ADAMTSL1: variants seen among roughly 807,000 people sequenced by gnomAD.
ADAMTSL1 encodes ADAMTS like 1.
In ADAMTSL1, 126 loss-of-function variants were observed where a neutral mutation model predicts 201.8. The observed-to-expected ratio is 0.62, with a 90% CI of 0.54 to 0.72. The LOEUF (loss-of-function observed/expected upper bound fraction) is 0.72. ADAMTSL1 is among the 30% of genes least tolerant of loss of function. The probability of loss-of-function intolerance (pLI) is 0.00; values close to 1 mark genes in which losing one functional copy is unlikely to be tolerated. For missense variants in ADAMTSL1, 2,679 were observed against 2,277.8 expected, an observed-to-expected ratio of 1.18 and a Z score of -3.59; for synonymous variants, 1,121 against 903.4, an observed-to-expected ratio of 1.24 and a Z score of -4.32.
chr9:18,714,059 A>C (rs1338268978), intron 14 of ADAMTSL1, among the ~76,000 whole-genome samples: 1 of 152,112 alleles, frequency 6.6e-6, no homozygotes, highest in Non-Finnish European at 1.5e-5. Context: ...AATGAGAACA[A>C]AGACACAACA....
chr9:18,401,277 G>T (rs1182846009), intron 2 of ADAMTSL1, among the ~76,000 whole-genome samples: 2 of 152,150 alleles, frequency 1.3e-5, no homozygotes, highest in Non-Finnish European at 2.9e-5. Flanking sequence ...ATGTTACCAA[G>T]TGACATAGGC....
chr9:18,112,531 C>T (rs778731040), intron 1 of ADAMTSL1, among the ~76,000 whole-genome samples: 1 of 151,150 alleles, frequency 6.6e-6, no homozygotes, highest in Non-Finnish European at 1.5e-5. Flanking sequence ...CTCGCCTGTG[C>T]TTCCTGAGAT....
At chr9:18,003,067 A>G (rs1934162802) in intron 1 of ADAMTSL1, among the ~76,000 whole-genome samples, 1 of 151,956 alleles carries the variant, frequency 6.6e-6, no homozygotes, top group Non-Finnish European at 1.5e-5. Context: ...CTGGTTCTAC[A>G]ATTTAATAGC....
chr9:18,844,703 T>TCCA (rs1563851493), intron 23 of ADAMTSL1, among the ~76,000 whole-genome samples: 1 of 152,240 alleles, frequency 6.6e-6, no homozygotes, highest in East Asian at 1.9e-4. Flanking sequence ...AGTTCGAGCT[T>TCCA]CCTGGCTGCT....
At chr9:18,437,849 G>A (rs1434487593) in intron 2 of ADAMTSL1, among the ~76,000 whole-genome samples, 1 of 152,098 alleles carries the variant, frequency 6.6e-6, no homozygotes, top group African/African-American at 2.4e-5. Context: ...GGGCTAATCT[G>A]AGACTGAAAG....
chr9:18,023,595 C>T (rs1184945016), intron 1 of ADAMTSL1, among the ~76,000 whole-genome samples: 2 of 152,140 alleles, frequency 1.3e-5, no homozygotes, highest in African/African-American at 2.4e-5. Context: ...AGCAGAGTAG[C>T]TGCTGGCTTT....
At chr9:18,715,731 A>G (rs1048467811) in intron 14 of ADAMTSL1, among the ~76,000 whole-genome samples, 2 of 151,966 alleles carry the variant, frequency 1.3e-5, no homozygotes, top group African/African-American at 2.4e-5. Context: ...AATTGGAAAA[A>G]ACTACTTTAA....
chr9:18,807,603 A>G (rs1311983547), intron 20 of ADAMTSL1, among the ~76,000 whole-genome samples: 4 of 149,522 alleles, frequency 2.7e-5, no homozygotes, highest in Non-Finnish European at 5.9e-5. Flanking sequence ...CCGAGATCGC[A>G]CCACTGCACT....
intron 2 of ADAMTSL1, among the ~76,000 whole-genome samples, chr9:18,442,170 G>A (rs1373569213): frequency 6.6e-6 from 1 of 152,124 alleles, no homozygotes; most frequent in African/African-American, 2.4e-5. Flanking sequence ...TATTCTAAAA[G>A]AGCCATTGTA....
chr9:17,998,490 T>C (rs1819477050), intron 1 of ADAMTSL1, among the ~76,000 whole-genome samples: 1 of 151,978 alleles, frequency 6.6e-6, no homozygotes, highest in South Asian at 2.1e-4. Context: ...GACTCACAGA[T>C]AAAGCGGTAT....
chr9:17,934,461 A>G (rs1826921766), intron 1 of ADAMTSL1, among the ~76,000 whole-genome samples: 1 of 152,028 alleles, frequency 6.6e-6, no homozygotes, highest in Admixed American at 6.6e-5. Context: ...TGGTGCACTC[A>G]CTTGTTTAAG....
intron 2 of ADAMTSL1, among the ~76,000 whole-genome samples, chr9:18,382,117 C>T (rs183907968): frequency 1.1e-4 from 17 of 149,084 alleles, no homozygotes; most frequent in East Asian, 4.0e-4. Context: ...GAATTTTGAC[C>T]GGGGGCAGGT....
intron 20 of ADAMTSL1, among the ~76,000 whole-genome samples, chr9:18,808,487 C>T (rs1156626841): frequency 6.6e-6 from 1 of 152,170 alleles, no homozygotes; most frequent in African/African-American, 2.4e-5. Context: ...CATTACTTTC[C>T]AGCAAAAACT....
rs111437036 is a variant in ADAMTSL1 at position 17,919,685 on chromosome 9, G to A, written c.87+12763G>A. Among the ~76,000 whole-genome samples, 235 of 152,102 alleles carry A rather than the reference G, an allele frequency of 1.5e-3. 1 individual carries two copies. Among genetic ancestry groups the A allele is most frequent in the African/African-American group, 5.3e-3 (220 of 41,512 alleles). On this transcript the variant is annotated intron_variant, in intron 1 of 29. Transcript: ENST00000680146. Reference sequence around the variant, plus strand: ...TTCTATGGCTGAGTATTATTCCATTGTATGAATATAACACATTTTGTTTAT... The same window carrying A: ...TTCTATGGCTGAGTATTATTCCATTATATGAATATAACACATTTTGTTTAT...
intron 26 of ADAMTSL1, among the ~76,000 whole-genome samples, chr9:18,893,044 G>A (rs1024769074): frequency 2.6e-5 from 4 of 151,456 alleles, no homozygotes; most frequent in Non-Finnish European, 4.4e-5. Flanking sequence ...TGAAGCTACC[G>A]CTCAATGCTA....
In ADAMTSL1 at chr9:18,909,054, AC is replaced by A. The variant is rs1397691681; in HGVS notation, c.*508del. 1 of 156,298 alleles carries A rather than the reference AC, an allele frequency of 6.4e-6. No homozygotes were observed. Among genetic ancestry groups the A allele is most frequent in the Non-Finnish European group, 1.4e-5 (1 of 70,474 alleles). 9.7% of individuals were successfully genotyped at this position (156,298 alleles called of 1,614,324 possible). On this transcript the variant is annotated 3_prime_UTR_variant, in exon 29 of 29. Coordinates refer to ENST00000380548, the MANE Select transcript of ADAMTSL1 (RefSeq NM_001040272.6). ...CAGTTAGGACAAATGGGGAGGGGACACCATGCTGAGGCAGAAACTAGCCCAG... is the reference window on the plus strand; with the variant it reads ...CAGTTAGGACAAATGGGGAGGGGACACATGCTGAGGCAGAAACTAGCCCAG...
intron 2 of ADAMTSL1, among the ~76,000 whole-genome samples, chr9:18,446,229 A>G (rs1820186805): frequency 6.6e-6 from 1 of 152,218 alleles, no homozygotes. Context: ...GAAACTCTAT[A>G]TATGGGCTTA....
chr9:18,866,546 G>A (rs968218517), intron 23 of ADAMTSL1, among the ~76,000 whole-genome samples: 3 of 152,112 alleles, frequency 2.0e-5, no homozygotes, highest in African/African-American at 7.2e-5. Flanking sequence ...GTTGAAAGTG[G>A]ACTTTCCTAA....
At chr9:18,757,956 G>A (rs1819866438) in intron 16 of ADAMTSL1, among the ~76,000 whole-genome samples, 2 of 152,204 alleles carry the variant, frequency 1.3e-5, no homozygotes. Context: ...GTTCAGCACA[G>A]CTCTAGACAC....
Sources: gnomAD v4.1 joint callset for allele counts (sites outside exome capture counted in the v4.1 genomes callset) on GRCh38, gnomAD v4.1.1 for gene constraint, MANE v1.5 for transcripts, NCBI Gene and HGNC (gene_info 2026-07-23, HGNC 2026-07-21) for gene names.